The following AGBL4 variants were observed in gnomAD, a reference collection of about 807,000 sequenced individuals.
AGBL4 encodes cytosolic carboxypeptidase 6.
In AGBL4, 58 loss-of-function variants were observed where a neutral mutation model predicts 66.4. The ratio of observed to expected loss-of-function variants is 0.87; its 90% CI spans 0.71 to 1.09. AGBL4 has a LOEUF of 1.09. AGBL4 is among the 50% of genes least tolerant of loss of function. The probability of loss-of-function intolerance (pLI) is 0.00; values close to 1 mark genes in which losing one functional copy is unlikely to be tolerated. For synonymous variants in AGBL4, 234 were observed against 222.9 expected (o/e 1.05, Z -0.44); for missense variants, 579 against 631.0 (o/e 0.92, Z 0.88).
chr1:48,768,417 G>C (rs978659663), intron 6 of AGBL4, among the ~76,000 whole-genome samples: 1 of 152,110 alleles, frequency 6.6e-6, no homozygotes, highest in South Asian at 2.1e-4. Context: ...GGTAAAAACT[G>C]CTATTCAAAA....
chr1:49,394,902 C>T (rs1181490743), intron 3 of AGBL4, among the ~76,000 whole-genome samples: 2 of 152,188 alleles, frequency 1.3e-5, no homozygotes, highest in African/African-American at 4.8e-5. Flanking sequence ...TCTGGTCTCT[C>T]TGCCTAATGC....
intron 2 of AGBL4, among the ~76,000 whole-genome samples, chr1:49,716,046 T>C (rs1251338973): frequency 6.6e-6 from 1 of 152,126 alleles, no homozygotes; most frequent in Non-Finnish European, 1.5e-5. Context: ...TCTTGAAAGG[T>C]ATTGCCTAGG....
intron 3 of AGBL4, among the ~76,000 whole-genome samples, chr1:49,282,957 A>G (rs1644312009): frequency 1.3e-5 from 2 of 152,200 alleles, no homozygotes; most frequent in African/African-American, 4.8e-5. Context: ...GGCGCCCGCC[A>G]TTGCCCAGGC....
chr1:48,870,535 C>T (rs1648550527), intron 5 of AGBL4, among the ~76,000 whole-genome samples: 1 of 152,282 alleles, frequency 6.6e-6, no homozygotes, highest in Middle Eastern at 3.4e-3. Flanking sequence ...AGTAAACATG[C>T]TCTTTCTTTT....
chr1:49,099,690 A>G (rs116152259), intron 4 of AGBL4, among the ~76,000 whole-genome samples: 123 of 152,188 alleles, frequency 8.1e-4, no homozygotes, highest in Non-Finnish European at 1.6e-3. Flanking sequence ...GTCACCCTAG[A>G]CTGTGATACC....
intron 4 of AGBL4, among the ~76,000 whole-genome samples, chr1:49,111,090 CAT>C (rs1645397463): frequency 6.6e-6 from 1 of 150,992 alleles, no homozygotes; most frequent in South Asian, 2.1e-4. Flanking sequence ...TCTTCTATTA[CAT>C]GTTTCCTTTC....
chr1:50,002,776 GCTA>G (rs1218420566), intron 1 of AGBL4, among the ~76,000 whole-genome samples: 1 of 152,070 alleles, frequency 6.6e-6, no homozygotes, highest in Non-Finnish European at 1.5e-5. Context: ...TCACCTTAAT[GCTA>G]CTATCTTTTT....
chr1:49,242,906 G>A (rs868334224), intron 4 of AGBL4, among the ~76,000 whole-genome samples: 5 of 151,564 alleles, frequency 3.3e-5, no homozygotes, highest in Middle Eastern at 3.4e-3. Flanking sequence ...ATTAACTACC[G>A]GTCTATGCTA....
At chr1:49,094,542 T>C (rs1645058413) in intron 4 of AGBL4, among the ~76,000 whole-genome samples, 1 of 152,198 alleles carries the variant, frequency 6.6e-6, no homozygotes, top group African/African-American at 2.4e-5. Flanking sequence ...GAAGCCCACT[T>C]GATCATGGTG....
chr1:48,696,427 C>G (rs1646714945), intron 6 of AGBL4, among the ~76,000 whole-genome samples: 1 of 152,144 alleles, frequency 6.6e-6, no homozygotes. Context: ...AAACTAGGAG[C>G]TTTCTTAGGA....
At chr1:49,583,751 T>C (rs1244768088) in intron 3 of AGBL4, among the ~76,000 whole-genome samples, 1 of 152,190 alleles carries the variant, frequency 6.6e-6, no homozygotes, top group African/African-American at 2.4e-5. Flanking sequence ...ATTTTTCCTA[T>C]TTAAAGTGGC....
At chr1:49,182,813 C>G (rs1646952794) in intron 4 of AGBL4, among the ~76,000 whole-genome samples, 2 of 152,002 alleles carry the variant, frequency 1.3e-5, no homozygotes, top group African/African-American at 2.4e-5. Context: ...ATTTAGTTCT[C>G]CTAACAACTT....
At position 49,845,183 on chromosome 1, in the gene AGBL4, T is replaced by C. The variant is rs567553447; in HGVS notation, c.157+6213A>G. Reference sequence around the variant, plus strand: ...TATGAATGTCACAAATGAGGAAAAGTCTTCCGAAACAGCTCGGCACTTACC... The same window carrying C: ...TATGAATGTCACAAATGAGGAAAAGCCTTCCGAAACAGCTCGGCACTTACC... On this transcript the variant is annotated intron_variant, in intron 2 of 13. Coordinates refer to ENST00000371839, the MANE Select transcript of AGBL4 (RefSeq NM_032785.4). 11 of 1,427,976 alleles carry C rather than the reference T, an allele frequency of 7.7e-6. No homozygotes were observed. In the South Asian group the frequency reaches 1.3e-4, roughly 16 times the overall value. 88.5% of individuals were successfully genotyped at this position (1,427,976 alleles called of 1,614,324 possible).
chr1:49,471,155 G>A (rs1456250985), intron 3 of AGBL4, among the ~76,000 whole-genome samples: 1 of 151,922 alleles, frequency 6.6e-6, no homozygotes, highest in African/African-American at 2.4e-5. Flanking sequence ...CTAAAATGTA[G>A]ATCCAGGAAA....
intron 9 of AGBL4, among the ~76,000 whole-genome samples, chr1:48,615,928 G>A (rs1232667878): frequency 6.6e-6 from 1 of 152,192 alleles, no homozygotes; most frequent in East Asian, 1.9e-4. Context: ...CTTGAAAGGT[G>A]TGTTCTCACA....
chr1:48,627,708 A>G (rs2148405831), intron 9 of AGBL4, among the ~76,000 whole-genome samples: 1 of 152,310 alleles, frequency 6.6e-6, no homozygotes, highest in Non-Finnish European at 1.5e-5. Context: ...GCTGCAGCCA[A>G]GTTGTTATAG....
intron 3 of AGBL4, among the ~76,000 whole-genome samples, chr1:49,413,089 ACT>A (rs1645351054): frequency 1.3e-5 from 2 of 152,070 alleles, no homozygotes; most frequent in Admixed American, 1.3e-4. Context: ...AGTAAAAGCA[ACT>A]CTCAATAATT....
intron 3 of AGBL4, among the ~76,000 whole-genome samples, chr1:49,608,736 C>T (rs926544456): frequency 2.3e-4 from 35 of 152,106 alleles, no homozygotes; most frequent in African/African-American, 8.0e-4. Flanking sequence ...AAATGCATCT[C>T]CTAGCCTGAA....
At chr1:49,684,214 C>A (rs888309796) in intron 3 of AGBL4, among the ~76,000 whole-genome samples, 9 of 152,150 alleles carry the variant, frequency 5.9e-5, no homozygotes, top group African/African-American at 1.9e-4. Context: ...ACTTAGACAA[C>A]CCATAAAATT....
Sources: gnomAD v4.1 joint callset for allele counts (sites outside exome capture counted in the v4.1 genomes callset) on GRCh38, gnomAD v4.1.1 for gene constraint, MANE v1.5 for transcripts, NCBI Gene and HGNC (gene_info 2026-07-23, HGNC 2026-07-21) for gene names.